The following DNAH9 variants were observed in gnomAD, a reference collection of about 807,000 sequenced individuals.
DNAH9 encodes the protein dynein axonemal heavy chain 9.
In DNAH9, 345 loss-of-function variants were observed where a neutral mutation model predicts 471.6. That is an observed-to-expected ratio of 0.73 (90% CI 0.67 to 0.80). DNAH9 has a LOEUF of 0.80. Ranked by LOEUF, DNAH9 falls within the 30% of genes least tolerant of loss-of-function variation. The pLI is 0.00. For missense variants in DNAH9, 5,407 were observed against 5,609.2 expected (o/e 0.96, Z 1.15); for synonymous variants, 2,093 against 2,123.6 (o/e 0.99, Z 0.40).
chr17:11,952,309 CTTT>C (rs753276964), intron 67 of DNAH9, among the ~76,000 whole-genome samples: 3 of 71,076 alleles, frequency 4.2e-5, no homozygotes, highest in Admixed American at 1.6e-4. Flanking sequence ...CCAGCTAATT[CTTT>C]TTTTTTTTTT....
intron 62 of DNAH9, among the ~76,000 whole-genome samples, chr17:11,924,616 C>CTTTTTTT (rs756191140): frequency 2.6e-3 from 239 of 91,956 alleles, no homozygotes; most frequent in Middle Eastern, 9.4e-3. Context: ...ACTACTAACT[C>CTTTTTTT]TTTTTTTTTT....
intron 38 of DNAH9, among the ~76,000 whole-genome samples, chr17:11,779,199 C>T (rs1262676680): frequency 6.6e-6 from 1 of 152,020 alleles, no homozygotes; most frequent in Non-Finnish European, 1.5e-5. Context: ...GGCCTGGGCT[C>T]CAGGTGTGGG....
intron 31 of DNAH9, 72 bp downstream of exon 31, chr17:11,745,156 T>C (rs1293454535): frequency 1.7e-5 from 22 of 1,279,626 alleles, no homozygotes; most frequent in Non-Finnish European, 2.2e-5. Flanking sequence ...TTATCCTTCA[T>C]CCATAATCCA....
At chr17:11,794,578 A>C (rs997448913) in intron 42 of DNAH9, among the ~76,000 whole-genome samples, 4 of 152,158 alleles carry the variant, frequency 2.6e-5, no homozygotes, top group African/African-American at 9.7e-5. Flanking sequence ...ATTGGTTTCA[A>C]ACTTAAAGAA....
At chr17:11,631,880 A>C (rs2073075038) in intron 7 of DNAH9, among the ~76,000 whole-genome samples, 1 of 152,090 alleles carries the variant, frequency 6.6e-6, no homozygotes, top group South Asian at 2.1e-4. Context: ...ATAATTCCAC[A>C]AATTAGAGAT....
At chr17:11,872,580 C>T (rs1036091485) in intron 52 of DNAH9, among the ~76,000 whole-genome samples, 3 of 152,158 alleles carry the variant, frequency 2.0e-5, no homozygotes, top group African/African-American at 7.2e-5. Context: ...GACCGGGATA[C>T]CTTTGGCAAG....
intron 45 of DNAH9, among the ~76,000 whole-genome samples, chr17:11,814,616 C>A (rs759269330): frequency 6.6e-6 from 1 of 152,170 alleles, no homozygotes; most frequent in South Asian, 2.1e-4. Flanking sequence ...AACCTCTGTG[C>A]AGTCTCATGG....
intron 22 of DNAH9, among the ~76,000 whole-genome samples, chr17:11,698,317 A>C (rs2074529275): frequency 7.1e-6 from 1 of 140,326 alleles, no homozygotes; most frequent in Admixed American, 7.7e-5. Context: ...ATAGAAAATA[A>C]TAATATATTA....
intron 4 of DNAH9, among the ~76,000 whole-genome samples, chr17:11,616,162 C>G (rs572057105): frequency 3.0e-4 from 46 of 152,140 alleles, no homozygotes; most frequent in African/African-American, 1.1e-3. Context: ...ATGGGAGGGC[C>G]CTAGGAAAGT....
chr17:11,948,975 G>C (rs1286006597), intron 67 of DNAH9, among the ~76,000 whole-genome samples: 2 of 152,132 alleles, frequency 1.3e-5, no homozygotes, highest in African/African-American at 4.8e-5. Flanking sequence ...AGCTGCTTCA[G>C]ACACATCAGA....
rs759825086 is a variant in DNAH9, at chr17:11,719,508, T to G, written c.5709+18T>G. On this transcript the variant is annotated intron_variant, in intron 27 of 68. Transcript: ENST00000262442. ...ATTACAAGGTACAGTTCCACCCGGC[T>G]TCCTGGGGGTGGGGGTGGGGGATAG... The G allele has an allele frequency of 2.5e-6, 4 of 1,595,984 alleles. No homozygotes were observed. In the South Asian group the frequency reaches 4.5e-5, roughly 18 times the overall value.
intron 68 of DNAH9, among the ~76,000 whole-genome samples, chr17:11,964,569 A>C (rs966451138): frequency 3.9e-5 from 6 of 152,202 alleles, no homozygotes; most frequent in Non-Finnish European, 5.9e-5. Flanking sequence ...CCATAAAACA[A>C]TGAGAACATT....
At chr17:11,737,952 T>A (rs898410917) in intron 28 of DNAH9, among the ~76,000 whole-genome samples, 3 of 152,222 alleles carry the variant, frequency 2.0e-5, no homozygotes, top group African/African-American at 7.2e-5. Flanking sequence ...TAAGCAATTT[T>A]CTTTAGGCTA....
chr17:11,823,184 C>T (rs2150942222), intron 48 of DNAH9, 150 bp downstream of exon 48: 3 of 705,412 alleles, frequency 4.3e-6, no homozygotes, highest in Admixed American at 3.0e-5. Flanking sequence ...ATTATGTTCT[C>T]GTGTGTTGCT....
At position 11,951,482 on chromosome 17, in the gene DNAH9, ACCAGCCTAG is replaced by A. The variant is rs367585811; in HGVS notation, c.12843+9001_12843+9009del. On this transcript the variant is annotated intron_variant, in intron 67 of 68. Coordinates refer to ENST00000262442, the MANE Select transcript of DNAH9 (RefSeq NM_001372.4). ...GATCACTTGAGGCCAGGAGTTTGAG[ACCAGCCTAG>A]CCAACATGGCAAAATCCCATCTCTA... is the stretch of plus-strand genomic sequence containing the variant. Among the ~76,000 whole-genome samples, 270 of 151,798 alleles carry A rather than the reference ACCAGCCTAG, an allele frequency of 1.8e-3. 2 individuals carry two copies. The highest frequency in any genetic ancestry group is 6.3e-3 in the African/African-American group (259 of 41,348).
intron 12 of DNAH9, among the ~76,000 whole-genome samples, chr17:11,648,473 A>T (rs1453153310): frequency 6.6e-6 from 1 of 152,180 alleles, no homozygotes; most frequent in Non-Finnish European, 1.5e-5. Flanking sequence ...ATGTTGTAAT[A>T]TAGTAATTAA....
rs141944774 is a variant in DNAH9 at position 11,651,311 on chromosome 17, C to A, written c.2340C>A (p.Asn780Lys). Reference sequence around the variant, plus strand: ...TCAGAGCAGCAGAGGAGACTTTGAACTGGAAAACAGAAGGTAACAGGGCAC... The same window carrying A: ...TCAGAGCAGCAGAGGAGACTTTGAAATGGAAAACAGAAGGTAACAGGGCAC... ...LRLRAAEETL[N>K]WKTEGICDYV... The change falls in exon 13 of 69, where the codon AAC becomes AAA. Residue 780 changes from asparagine (N) to lysine (K), a missense_variant. Asn to Lys is a moderately conservative substitution (Grantham distance 94). This residue lies in a region of DNAH9 where 4,636 missense variants were observed against 4,900.3 expected (regional missense o/e 0.95). Transcript: ENST00000262442. The A allele has an allele frequency of 1.2e-6, 2 of 1,612,854 alleles. No homozygotes were observed. The highest frequency in any genetic ancestry group is 2.7e-5 in the African/African-American group (2 of 74,822).
At chr17:11,653,496 A>G (rs1313296866) in intron 14 of DNAH9, among the ~76,000 whole-genome samples, 2 of 152,220 alleles carry the variant, frequency 1.3e-5, no homozygotes, top group African/African-American at 2.4e-5. Context: ...TCTGCCCTGC[A>G]TTAGTGGTCA....
chr17:11,807,673 A>C (rs1432228741), intron 43 of DNAH9, 59 bp from the exon 44 acceptor site: 8 of 1,547,886 alleles, frequency 5.2e-6, no homozygotes, highest in Non-Finnish European at 7.0e-6. Context: ...GCCTTTATAC[A>C]TGCTTCTGAC....
Sources: gnomAD v4.1 joint callset for allele counts (sites outside exome capture counted in the v4.1 genomes callset) on GRCh38, gnomAD v4.1.1 for gene constraint, gnomAD v4.1.1 regional missense constraint, MANE v1.5 for transcripts, NCBI Gene and HGNC (gene_info 2026-07-23, HGNC 2026-07-21) for gene names.